PRKDC: variants seen among roughly 807,000 people sequenced by gnomAD.
PRKDC encodes the protein protein kinase, DNA-activated, catalytic subunit, also known as DNA-dependent protein kinase catalytic subunit.
PRKDC carries 82 observed loss-of-function variants against 486.9 expected under a neutral mutation model. That is an observed-to-expected ratio of 0.17 (90% CI 0.14 to 0.20). PRKDC has a LOEUF of 0.20. Among genes scored for constraint, PRKDC ranks in the 10% least tolerant of loss-of-function variants. The probability of loss-of-function intolerance (pLI) is 1.00; values close to 1 mark genes in which losing one functional copy is unlikely to be tolerated. For synonymous variants in PRKDC, 1,895 were observed against 1,837.0 expected (o/e 1.03, Z -0.81); for missense variants, 4,504 against 5,038.2 (o/e 0.89, Z 3.21).
intron 64 of PRKDC, among the ~76,000 whole-genome samples, chr8:47,822,680 C>T (rs1202828559): frequency 6.6e-6 from 1 of 152,104 alleles, no homozygotes; most frequent in African/African-American, 2.4e-5. Flanking sequence ...GTCCCAGCTA[C>T]TCGGGAGGCT....
At chr8:47,840,360 A>G (rs2088112633) in intron 54 of PRKDC, among the ~76,000 whole-genome samples, 171 bp from the exon 55 acceptor site, 1 of 152,224 alleles carries the variant, frequency 6.6e-6, no homozygotes, top group African/African-American at 2.4e-5. Context: ...TATCAAATAT[A>G]AGACAAATTA....
chr8:47,779,666 T>C (rs1022869353), intron 80 of PRKDC, among the ~76,000 whole-genome samples: 4 of 152,174 alleles, frequency 2.6e-5, no homozygotes, highest in African/African-American at 9.7e-5. Flanking sequence ...CTTGGCCCAC[T>C]GCAACCTCTG....
chr8:47,862,672 AT>A, intron 42 of PRKDC, 131 bp from the exon 43 acceptor site: 1 of 780,654 alleles, frequency 1.3e-6, no homozygotes, highest in Non-Finnish European at 1.9e-6. Flanking sequence ...CAGGCAGAGT[AT>A]TAGGCACTGG....
chr8:47,843,684 C>T lies in PRKDC; in HGVS notation c.7281-3495G>A, dbSNP rs1405017976. Among the ~76,000 whole-genome samples, 3 of 152,282 alleles carry T rather than the reference C, an allele frequency of 2.0e-5. No individual in the cohort carries two copies. The East Asian group carries it at 5.8e-4, about 29-fold the overall frequency. On this transcript the variant is annotated intron_variant, in intron 54 of 85. Transcript: ENST00000314191. ...CACATACTGAGAGAACCCCATCAGG[C>T]TACCAGCGGGCCTCTCAGCAGAAAC...
intron 56 of PRKDC, among the ~76,000 whole-genome samples, chr8:47,838,217 G>C (rs902594253): frequency 1.3e-5 from 2 of 152,160 alleles, no homozygotes; most frequent in African/African-American, 4.8e-5. Flanking sequence ...TATAATTTAT[G>C]AATGCATATG....
At chr8:47,880,236 A>G (rs1563781830) in intron 38 of PRKDC, among the ~76,000 whole-genome samples, 1 of 152,214 alleles carries the variant, frequency 6.6e-6, no homozygotes, top group Non-Finnish European at 1.5e-5. Context: ...CTGATTCGGT[A>G]TGTGCTTCCT....
intron 21 of PRKDC, among the ~76,000 whole-genome samples, chr8:47,924,513 T>C (rs566261476): frequency 1.5e-4 from 23 of 152,026 alleles, no homozygotes; most frequent in African/African-American, 4.3e-4. Context: ...TGAGCCAAGA[T>C]TGCACCACTG....
intron 72 of PRKDC, 135 bp downstream of exon 72, chr8:47,799,075 C>G (rs1332303570): frequency 8.3e-7 from 1 of 1,210,878 alleles, no homozygotes; most frequent in African/African-American, 1.5e-5. Context: ...CTGCCATTGT[C>G]TCTTAAAAAG....
At chr8:47,833,293 G>C (rs974836143) in intron 59 of PRKDC, among the ~76,000 whole-genome samples, 11 of 152,198 alleles carry the variant, frequency 7.2e-5, no homozygotes, top group Non-Finnish European at 1.3e-4. Context: ...TAAGAAGGCA[G>C]GGAGCTTTGC....
rs373217212 is a variant in PRKDC at position 47,844,854 on chromosome 8, TAAATGCCTACATCA to T, written c.7280+4286_7280+4299del. 1.8e-4 allele frequency among the ~76,000 whole-genome samples: 28 copies of T among 152,190 alleles called. 1 individual carries two copies. Among genetic ancestry groups the T allele is most frequent in the African/African-American group, 6.5e-4 (27 of 41,522 alleles). On this transcript the variant is annotated intron_variant, in intron 54 of 85. Transcript: ENST00000314191. Reference sequence around the variant, plus strand: ...TTTCAATTAAGGAAAACAGGGACACTAAATGCCTACATCAAAATGCTGGAAAGACCTCAAATCAA... The same window carrying T: ...TTTCAATTAAGGAAAACAGGGACACTAAATGCTGGAAAGACCTCAAATCAA...
At chr8:47,913,847 G>C in intron 24 of PRKDC, 54 bp downstream of exon 24, 1 of 1,474,760 alleles carries the variant, frequency 6.8e-7, no homozygotes, top group Non-Finnish European at 9.1e-7. Flanking sequence ...TAAGCAATAT[G>C]TATTTTTAAA....
intron 59 of PRKDC, among the ~76,000 whole-genome samples, chr8:47,833,514 G>A (rs1444474664): frequency 6.6e-6 from 1 of 152,156 alleles, no homozygotes; most frequent in South Asian, 2.1e-4. Flanking sequence ...ACCAGGTCCT[G>A]GTGCCTGCCT....
intron 85 of PRKDC, 36 bp from the exon 86 acceptor site, chr8:47,774,413 G>C (rs1205511377): frequency 6.3e-7 from 1 of 1,588,754 alleles, no homozygotes; most frequent in South Asian, 1.1e-5. Flanking sequence ...CACAAAGCAT[G>C]TGTCATTGTC....
Position 47,817,576 on chromosome 8 carries a change from A to G in PRKDC, c.9446-15T>C. On this transcript the variant is annotated splice_polypyrimidine_tract_variant and intron_variant, in intron 67 of 85. Transcript: ENST00000314191. The stretch of plus-strand genomic sequence containing the variant: ...TGATAAATTGCCTAAAAATAGTATT[A>G]GAGGGTGACTATACACACAGCTCAA... 6.8e-7 allele frequency: 1 copy of G among 1,477,434 alleles called. No homozygotes were observed. Among genetic ancestry groups the G allele is most frequent in the Non-Finnish European group, 9.4e-7 (1 of 1,067,760 alleles). 91.5% of individuals were successfully genotyped at this position (1,477,434 alleles called of 1,614,324 possible).
At chr8:47,861,925 T>A (rs2154500691) in intron 44 of PRKDC, 137 bp downstream of exon 44, 1 of 669,870 alleles carries the variant, frequency 1.5e-6, no homozygotes, top group East Asian at 2.8e-5. Flanking sequence ...AATTGCCAGA[T>A]TTTATAGAAA....
In PRKDC at chr8:47,858,651, C is replaced by A; in HGVS notation, c.6346-16G>T. On this transcript the variant is annotated splice_polypyrimidine_tract_variant and intron_variant, in intron 47 of 85. Transcript: ENST00000314191. Reference sequence around the variant, plus strand: ...GCACTGAATCCTAAAATAAAACATTCAAAATTACCTTAAAACGTGGAATAA... The same window carrying A: ...GCACTGAATCCTAAAATAAAACATTAAAAATTACCTTAAAACGTGGAATAA... 6.7e-7 allele frequency: 1 copy of A among 1,485,296 alleles called. No homozygotes were observed. The highest frequency in any genetic ancestry group is 2.4e-5 in the East Asian group (1 of 41,326). 92.0% of individuals were successfully genotyped at this position (1,485,296 alleles called of 1,614,324 possible). A position where few individuals can be genotyped will look rare whatever the true frequency, so the allele number is the denominator to read the frequency against.
chr8:47,930,906 CG>C (rs2090239718), intron 16 of PRKDC, 119 bp from the exon 17 acceptor site: 2 of 928,724 alleles, frequency 2.2e-6, no homozygotes, highest in Admixed American at 3.0e-5. Context: ...ATTGCAACAG[CG>C]AGAAAGACCA....
At position 47,953,568 on chromosome 8, in the gene PRKDC, G is replaced by A. The variant is rs572395146; in HGVS notation, c.721+52C>T. On this transcript the variant is annotated intron_variant, in intron 7 of 85. Coordinates refer to ENST00000314191, the MANE Select transcript of PRKDC (RefSeq NM_006904.7). ...TTCAAAGAAATAATCAGGCATTGCT[G>A]GTTAGACTTACAGTTTTTGAATAAA... is the stretch of plus-strand genomic sequence containing the variant. The A allele has an allele frequency of 1.8e-5, 26 of 1,470,192 alleles. No individual in the cohort carries two copies. In the East Asian group the frequency reaches 4.5e-4, roughly 25 times the overall value. 91.1% of individuals were successfully genotyped at this position (1,470,192 alleles called of 1,614,324 possible).
chr8:47,803,363 G>T lies in PRKDC; in HGVS notation c.9865C>A (p.Arg3289=), dbSNP rs757415778. Reference sequence around the variant, plus strand: ...ACCTGCTCAGAGCAGCCCTGGGACCGGCTCCGGCAGTGGCTCAGGCGGCAG... The same window carrying T: ...ACCTGCTCAGAGCAGCCCTGGGACCTGCTCCGGCAGTGGCTCAGGCGGCAG... The part of the protein sequence containing the change: ...SYCRLSHCRS[R]SQGCSEQVLT... The change falls in exon 70 of 86, where the codon CGG becomes AGG. Residue 3289 remains arginine (R), a synonymous_variant. Transcript: ENST00000314191. The T allele has an allele frequency of 1.2e-6, 2 of 1,613,986 alleles. No homozygotes were observed. The highest frequency in any genetic ancestry group is 1.7e-6 in the Non-Finnish European group (2 of 1,179,878).
Sources: allele counts gnomAD v4.1 joint callset (sites outside exome capture counted in the v4.1 genomes callset), GRCh38; gene constraint gnomAD v4.1.1; transcripts MANE v1.5; gene names NCBI Gene and HGNC (gene_info 2026-07-23, HGNC 2026-07-21).